The following PABPC4L variants were observed in gnomAD, a reference collection of about 807,000 sequenced individuals.
PABPC4L encodes polyadenylate-binding protein 4-like.
For synonymous variants in PABPC4L, 169 were observed against 164.1 expected, an observed-to-expected ratio of 1.03 and a Z score of -0.23; for missense variants, 452 against 451.4, an observed-to-expected ratio of 1.00 and a Z score of -0.01.
chr4:133,980,144 A>G, the PABPC4L span, among the ~76,000 whole-genome samples: 1 of 152,120 alleles, frequency 6.6e-6, no homozygotes, highest in Non-Finnish European at 1.5e-5. Flanking sequence ...TCCATTCTTA[A>G]TCACTACCTG....
chr4:134,087,350 G>T, the PABPC4L span, among the ~76,000 whole-genome samples: 1 of 152,106 alleles, frequency 6.6e-6, no homozygotes, highest in Non-Finnish European at 1.5e-5. Flanking sequence ...TTCATTTTCA[G>T]TTCTTCTTTT....
At chr4:134,075,454 A>C in the PABPC4L span, among the ~76,000 whole-genome samples, 6 of 152,188 alleles carry the variant, frequency 3.9e-5, no homozygotes. Context: ...AGAAGCTTCA[A>C]CTGGAGTGAT....
the PABPC4L span, among the ~76,000 whole-genome samples, chr4:134,178,664 GA>G: frequency 6.6e-6 from 1 of 152,056 alleles, no homozygotes; most frequent in African/African-American, 2.4e-5. Context: ...AACAATACAG[GA>G]GTTGAAAAAT....
the PABPC4L span, among the ~76,000 whole-genome samples, chr4:134,083,752 A>T: frequency 6.6e-6 from 1 of 152,184 alleles, no homozygotes; most frequent in African/African-American, 2.4e-5. Flanking sequence ...ACACTTTTTG[A>T]CAACAGGTCT....
At chr4:134,088,600 G>T in the PABPC4L span, among the ~76,000 whole-genome samples, 1,928 of 152,074 alleles carry the variant, frequency 0.013, 42 homozygotes, top group African/African-American at 0.041. Flanking sequence ...TGGGATTAGG[G>T]CCTTTATAAA....
the PABPC4L span, among the ~76,000 whole-genome samples, chr4:134,175,183 G>A: frequency 1.3e-5 from 2 of 152,028 alleles, no homozygotes. Flanking sequence ...AAGTACCCGC[G>A]AAAAGTAGCT....
chr4:133,990,161 C>A, the PABPC4L span, among the ~76,000 whole-genome samples: 1 of 152,128 alleles, frequency 6.6e-6, no homozygotes, highest in Non-Finnish European at 1.5e-5. Flanking sequence ...TATTGCACAT[C>A]ACAAACATTG....
the PABPC4L span, among the ~76,000 whole-genome samples, chr4:134,028,829 G>A: frequency 6.6e-6 from 1 of 152,098 alleles, no homozygotes; most frequent in Non-Finnish European, 1.5e-5. Flanking sequence ...AAAACAGCTT[G>A]TAAATTACAG....
At chr4:134,153,481 A>G in the PABPC4L span, among the ~76,000 whole-genome samples, 2 of 152,142 alleles carry the variant, frequency 1.3e-5, no homozygotes, top group African/African-American at 4.8e-5. Flanking sequence ...TGAGTTTGAC[A>G]GTGAAAGATT....
downstream of PABPC4L, among the ~76,000 whole-genome samples, chr4:134,191,663 C>G (rs974779417): frequency 1.3e-5 from 2 of 151,800 alleles, no homozygotes; most frequent in African/African-American, 2.4e-5. Flanking sequence ...AAAACACATA[C>G]CAAAGCAGTT....
chr4:134,063,457 C>A, the PABPC4L span, among the ~76,000 whole-genome samples: 1 of 151,724 alleles, frequency 6.6e-6, no homozygotes, highest in Non-Finnish European at 1.5e-5. Context: ...GGGCAATGGG[C>A]AAGGTAAATA....
chr4:134,048,337 A>T, the PABPC4L span, among the ~76,000 whole-genome samples: 1 of 152,148 alleles, frequency 6.6e-6, no homozygotes, highest in Non-Finnish European at 1.5e-5. Flanking sequence ...ATATATCTCA[A>T]TTGAAATTTT....
At chr4:134,105,474 G>A in the PABPC4L span, among the ~76,000 whole-genome samples, 1 of 151,452 alleles carries the variant, frequency 6.6e-6, no homozygotes, top group African/African-American at 2.4e-5. Context: ...ACTTCTAAGA[G>A]GCCAATAAAA....
chr4:134,163,793 A>G, the PABPC4L span, among the ~76,000 whole-genome samples: 1 of 152,170 alleles, frequency 6.6e-6, no homozygotes. Context: ...AAATTCCAGT[A>G]TCTCTTTATT....
At chr4:134,033,446 G>C in the PABPC4L span, among the ~76,000 whole-genome samples, 14 of 151,826 alleles carry the variant, frequency 9.2e-5, no homozygotes, top group African/African-American at 3.4e-4. Flanking sequence ...TAAACCAAAA[G>C]CTATAAATAA....
At chr4:134,042,813 A>T in the PABPC4L span, among the ~76,000 whole-genome samples, 2 of 152,180 alleles carry the variant, frequency 1.3e-5, no homozygotes, top group Non-Finnish European at 2.9e-5. Context: ...GAAGTAAACC[A>T]AGTGAGAAGG....
At chr4:134,111,738 T>G in the PABPC4L span, among the ~76,000 whole-genome samples, 1 of 151,956 alleles carries the variant, frequency 6.6e-6, no homozygotes, top group African/African-American at 2.4e-5. Context: ...GTTCTCTCTC[T>G]TCTCTTGTCT....
chr4:134,183,486 A>G, the PABPC4L span, among the ~76,000 whole-genome samples: 1 of 131,524 alleles, frequency 7.6e-6, no homozygotes, highest in Non-Finnish European at 1.6e-5. Context: ...GGAAGAGGGT[A>G]AAAAAAAAAA....
chr4:134,120,929 C>T, the PABPC4L span, among the ~76,000 whole-genome samples: 9 of 151,350 alleles, frequency 5.9e-5, no homozygotes, highest in African/African-American at 1.9e-4. Flanking sequence ...CTCTGTGGAG[C>T]TATTTACATT....
Sources: gnomAD v4.1 joint callset for allele counts (sites outside exome capture counted in the v4.1 genomes callset) on GRCh38, gnomAD v4.1.1 for gene constraint, MANE v1.5 for transcripts, NCBI Gene and HGNC (gene_info 2026-07-23, HGNC 2026-07-21) for gene names.